The following NECTIN4 variants were observed in gnomAD, a reference collection of about 807,000 sequenced individuals.
The protein encoded by NECTIN4 is nectin-4.
NECTIN4 carries 19 observed loss-of-function variants against 51.7 expected under a neutral mutation model. That is an observed-to-expected ratio of 0.37 (90% CI 0.26 to 0.54). The LOEUF (loss-of-function observed/expected upper bound fraction) is 0.54, where lower values mean the gene tolerates loss of function less well. Among genes scored for constraint, NECTIN4 ranks in the 20% least tolerant of loss-of-function variants. The pLI, the probability that NECTIN4 is intolerant of heterozygous loss-of-function variation, is 0.86. For missense variants in NECTIN4, 619 were observed against 662.4 expected (o/e 0.93, Z 0.72); for synonymous variants, 283 against 286.9 (o/e 0.99, Z 0.14).
In NECTIN4 at chr1:161,074,360, G is replaced by A. The variant is rs1653317094; in HGVS notation, c.1014C>T (p.Asp338=). The A allele has an allele frequency of 6.2e-7, 1 of 1,613,788 alleles. No homozygotes were observed. The highest frequency in any genetic ancestry group is 1.3e-5 in the African/African-American group (1 of 74,808). ...VTVDVLDPQE[D]SGKQVDLVSA... ...ACACTAGGTCCACCTGCTTCCCAGA[G>A]TCTTCCTGGGGGTCTGCTGGAGACA... The change falls in exon 6 of 9, where the codon GAC becomes GAT. Residue 338 remains aspartate, a synonymous_variant. Transcript: ENST00000368012.
chr1:161,083,730 C>G (rs569107802), intron 1 of NECTIN4, among the ~76,000 whole-genome samples: 1 of 152,230 alleles, frequency 6.6e-6, no homozygotes, highest in Non-Finnish European at 1.5e-5. Flanking sequence ...CAGACGGGAT[C>G]CCTGCCCTTG....
intron 1 of NECTIN4, chr1:161,084,811 G>C (rs969455068): frequency 1.3e-5 from 2 of 152,116 alleles, no homozygotes; most frequent in Admixed American, 1.3e-4. Flanking sequence ...CTCCAGGCCT[G>C]GGTAAGGGTT....
At chr1:161,073,008 A>G in intron 8 of NECTIN4, 123 bp from the exon 9 acceptor site, 1 of 1,039,726 alleles carries the variant, frequency 9.6e-7, no homozygotes, top group Non-Finnish European at 1.4e-6. Context: ...TTGCCTCAGA[A>G]GCATAGGGGC....
At chr1:161,075,318 G>A (rs1235465850) in intron 4 of NECTIN4, among the ~76,000 whole-genome samples, 1 of 152,248 alleles carries the variant, frequency 6.6e-6, no homozygotes, top group Non-Finnish European at 1.5e-5. Context: ...GGAACTGGAG[G>A]TAGTGGGTGT....
Position 161,074,909 on chromosome 1 carries a change from G to A in NECTIN4, c.852-150C>T, listed in dbSNP as rs868192120. On this transcript the variant is annotated intron_variant, in intron 4 of 8. Coordinates refer to ENST00000368012, the MANE Select transcript of NECTIN4 (RefSeq NM_030916.3). Reference sequence around the variant, plus strand: ...CGGTGCCCCTCCCTCCACCAGGCAGGTCTAGGCAGAGGTCCTTTCTCCCTG... The same window carrying A: ...CGGTGCCCCTCCCTCCACCAGGCAGATCTAGGCAGAGGTCCTTTCTCCCTG... 146 of 827,118 alleles carry A rather than the reference G, an allele frequency of 1.8e-4. No individual in the cohort carries two copies. In the Middle Eastern group the frequency reaches 1.8e-3, roughly 10 times the overall value. 51.2% of individuals were successfully genotyped at this position (827,118 alleles called of 1,614,324 possible).
intron 3 of NECTIN4, 132 bp downstream of exon 3, chr1:161,077,321 T>C (rs1207565412): frequency 4.5e-6 from 4 of 883,986 alleles, no homozygotes; most frequent in African/African-American, 2.6e-5. Flanking sequence ...TTTGGACTAG[T>C]GCTCTGTCAC....
At position 161,076,415 on chromosome 1, in the gene NECTIN4, T is replaced by C. The variant is rs764614701; in HGVS notation, c.791A>G (p.Glu264Gly). The C allele has an allele frequency of 2.5e-6, 4 of 1,614,056 alleles. No homozygotes were observed. In the African/African-American group the frequency reaches 4.0e-5, roughly 16 times the overall value. Residue 264 changes from glutamate (E) to glycine (G), a missense_variant, in exon 4 of 9, where the codon GAA (glutamate) becomes GGA (glycine). Physicochemically the swap from Glu to Gly is moderately conservative, Grantham distance 98. Around this residue, in one of 3 missense-constraint regions of NECTIN4, gnomAD observed 364 missense variants for 415.7 expected, o/e 0.88. Transcript: ENST00000368012. ...EDQNLWHIGR[E>G]GAMLKCLSEG... ...ACTCAGGCACTTGAGCATAGCTCCT[T>C]CTCTGCCAATGTGCCACAGATTTTG... is the stretch of plus-strand genomic sequence containing the variant.
chr1:161,088,860 G>A (rs1268724454), intron 1 of NECTIN4, among the ~76,000 whole-genome samples: 3 of 152,094 alleles, frequency 2.0e-5, no homozygotes, highest in African/African-American at 7.2e-5. Context: ...GCACCTCTAG[G>A]AAACCCTGGG....
chr1:161,079,463 C>T (rs1199241742), intron 2 of NECTIN4, 127 bp downstream of exon 2: 48 of 1,288,146 alleles, frequency 3.7e-5, no homozygotes, highest in Non-Finnish European at 4.6e-5. Context: ...GATGAAGCTC[C>T]CTCACCTGAA....
chr1:161,081,290 G>A (rs1653666160), intron 1 of NECTIN4, among the ~76,000 whole-genome samples: 2 of 152,212 alleles, frequency 1.3e-5, no homozygotes, highest in South Asian at 4.1e-4. Flanking sequence ...AGTGCCATGA[G>A]CAAGTGGTGA....
intron 1 of NECTIN4, among the ~76,000 whole-genome samples, chr1:161,082,210 T>A (rs933279269): frequency 6.6e-6 from 1 of 152,056 alleles, no homozygotes; most frequent in Non-Finnish European, 1.5e-5. Flanking sequence ...GCGCCTGTAG[T>A]CCCAGCTACT....
intron 3 of NECTIN4, 139 bp from the exon 4 acceptor site, chr1:161,076,614 C>T (rs1455232767): frequency 2.6e-6 from 3 of 1,154,298 alleles, no homozygotes; most frequent in African/African-American, 1.5e-5. Flanking sequence ...TGCTGCCAAA[C>T]CTAGCTCAGC....
intron 1 of NECTIN4, among the ~76,000 whole-genome samples, chr1:161,083,519 G>T (rs1178270342): frequency 6.6e-6 from 1 of 152,202 alleles, no homozygotes; most frequent in Non-Finnish European, 1.5e-5. Flanking sequence ...CAAGCCCAGG[G>T]ACCCTTCTGT....
Position 161,072,504 on chromosome 1 carries a change from C to A in NECTIN4, c.*157G>T, listed in dbSNP as rs543316888. The stretch of plus-strand genomic sequence containing the variant: ...AGAGACTCAATTGGTGGAGCCCTCC[C>A]GATGAACAGAAGGGTTGGAGGTAAA... On this transcript the variant is annotated 3_prime_UTR_variant, in exon 9 of 9. Transcript: ENST00000368012. The A allele has an allele frequency of 5.2e-4, 363 of 693,026 alleles. 1 individual carries two copies. The highest frequency in any genetic ancestry group is 8.5e-4 in the Non-Finnish European group (327 of 383,812). 42.9% of individuals were successfully genotyped at this position (693,026 alleles called of 1,614,324 possible).
rs186070736 is a variant in NECTIN4, at chr1:161,076,036, A to C, written c.851+319T>G. On this transcript the variant is annotated intron_variant, in intron 4 of 8. Transcript: ENST00000368012. ...GGTTTCAGTGAGCCGAGATCATGCC[A>C]CTGCACTCCAGCCTGGCGACAGAGC... Among the ~76,000 whole-genome samples, 507 of 152,316 alleles carry C rather than the reference A, an allele frequency of 3.3e-3. 1 individual carries two copies. Among genetic ancestry groups the C allele is most frequent in the Non-Finnish European group, 5.3e-3 (363 of 68,026 alleles).
In NECTIN4 at chr1:161,077,442, C is replaced by T; in HGVS notation, c.730+11G>A. The T allele has an allele frequency of 6.2e-7, 1 of 1,614,084 alleles. No homozygotes were observed. Among genetic ancestry groups the T allele is most frequent in the Non-Finnish European group, 8.5e-7 (1 of 1,180,026 alleles). On this transcript the variant is annotated intron_variant, in intron 3 of 8. Transcript: ENST00000368012. ...CCTTGGGCCTCCCTACCCAAGCATCCAAGTACTTACAGGACACGTGGAGGA... is the reference window on the plus strand; with the variant it reads ...CCTTGGGCCTCCCTACCCAAGCATCTAAGTACTTACAGGACACGTGGAGGA...
intron 1 of NECTIN4, 152 bp from the exon 2 acceptor site, chr1:161,080,101 A>C: frequency 1.1e-6 from 1 of 940,184 alleles, no homozygotes; most frequent in Non-Finnish European, 1.5e-6. Context: ...TTAAATCTAC[A>C]AAACGCCTTC....
intron 8 of NECTIN4, 47 bp downstream of exon 8, chr1:161,073,178 G>T: frequency 1.3e-6 from 2 of 1,541,812 alleles, no homozygotes; most frequent in Non-Finnish European, 1.8e-6. Flanking sequence ...ACCAGGACAG[G>T]GGCCCGAGGA....
In NECTIN4 at chr1:161,079,967, G is replaced by A. The variant is rs758269774; in HGVS notation, c.80-18C>T. Reference sequence around the variant, plus strand: ...GCACCGGCCTGCAGGGGGCAGAGAGGGACAGCCACCATTAGGGGTGCTGCC... The same window carrying A: ...GCACCGGCCTGCAGGGGGCAGAGAGAGACAGCCACCATTAGGGGTGCTGCC... On this transcript the variant is annotated intron_variant, in intron 1 of 8. Coordinates refer to ENST00000368012, the MANE Select transcript of NECTIN4 (RefSeq NM_030916.3). 2 of 1,582,776 alleles carry A rather than the reference G, an allele frequency of 1.3e-6. No homozygotes were observed. Among genetic ancestry groups the A allele is most frequent in the African/African-American group, 1.3e-5 (1 of 74,368 alleles).
Sources: gnomAD v4.1 joint callset for allele counts (sites outside exome capture counted in the v4.1 genomes callset) on GRCh38, gnomAD v4.1.1 for gene constraint, gnomAD v4.1.1 regional missense constraint, MANE v1.5 for transcripts, NCBI Gene and HGNC (gene_info 2026-07-23, HGNC 2026-07-21) for gene names.